The following TENM2 variants were observed in gnomAD, a reference collection of about 807,000 sequenced individuals.
TENM2 encodes the protein teneurin-2.
In TENM2, 52 loss-of-function variants were observed where a neutral mutation model predicts 245.2. The ratio of observed to expected loss-of-function variants is 0.21; its 90% confidence interval spans 0.17 to 0.27. The LOEUF is 0.27. TENM2 is among the 10% of genes least tolerant of loss of function. TENM2 has a pLI of 1.00. For missense variants in TENM2, 3,046 were observed against 3,666.8 expected, an observed-to-expected ratio of 0.83 and a Z score of 4.37; for synonymous variants, 1,363 against 1,438.9, an observed-to-expected ratio of 0.95 and a Z score of 1.19.
At chr5:167,184,436 G>A in the TENM2 span, among the ~76,000 whole-genome samples, 3 of 152,158 alleles carry the variant, frequency 2.0e-5, no homozygotes, top group South Asian at 6.2e-4. Flanking sequence ...CATAAACATT[G>A]TGATGGTAAA....
At chr5:167,753,929 G>C (rs184392824) in intron 2 of TENM2, among the ~76,000 whole-genome samples, 12 of 152,206 alleles carry the variant, frequency 7.9e-5, no homozygotes, top group African/African-American at 2.9e-4. Flanking sequence ...ATTATGCTCC[G>C]TCAGTCATTC....
chr5:168,032,208 A>C (rs1287940771), intron 5 of TENM2, among the ~76,000 whole-genome samples: 1 of 152,202 alleles, frequency 6.6e-6, no homozygotes, highest in African/African-American at 2.4e-5. Flanking sequence ...ATATTCTACC[A>C]TATTTAATCT....
At chr5:167,947,833 T>C (rs892957681) in intron 3 of TENM2, among the ~76,000 whole-genome samples, 5 of 152,090 alleles carry the variant, frequency 3.3e-5, no homozygotes, top group Admixed American at 3.3e-4. Flanking sequence ...CAGGAATGAG[T>C]GATTTATTAG....
At chr5:167,287,989 A>G (rs1456288627) in intron 1 of TENM2, among the ~76,000 whole-genome samples, 1 of 152,042 alleles carries the variant, frequency 6.6e-6, no homozygotes, top group African/African-American at 2.4e-5. Flanking sequence ...CCCTAATCCA[A>G]CCTGTGAAAT....
At chr5:167,116,940 G>A in the TENM2 span, among the ~76,000 whole-genome samples, 1 of 152,154 alleles carries the variant, frequency 6.6e-6, no homozygotes, top group Admixed American at 6.5e-5. Flanking sequence ...GATAACTATT[G>A]TAGTTTGCAT....
intron 2 of TENM2, among the ~76,000 whole-genome samples, chr5:167,643,566 C>T (rs950966658): frequency 6.6e-6 from 1 of 152,162 alleles, no homozygotes; most frequent in African/African-American, 2.4e-5. Context: ...AAGGGTAACA[C>T]ATTTCCAGTG....
At chr5:167,249,410 A>G in the TENM2 span, among the ~76,000 whole-genome samples, 4 of 151,892 alleles carry the variant, frequency 2.6e-5, no homozygotes, top group Non-Finnish European at 4.4e-5. Flanking sequence ...ACCTTTCACC[A>G]GTGCACATTT....
chr5:167,035,865 C>G, the TENM2 span, among the ~76,000 whole-genome samples: 1 of 152,178 alleles, frequency 6.6e-6, no homozygotes, highest in Non-Finnish European at 1.5e-5. Flanking sequence ...GCCTCAGTCT[C>G]CCCTGTAGCT....
intron 2 of TENM2, among the ~76,000 whole-genome samples, chr5:167,652,164 A>AGTCATGG (rs1203677662): frequency 6.6e-6 from 1 of 152,194 alleles, no homozygotes; most frequent in African/African-American, 2.4e-5. Flanking sequence ...AAGAGCGAGG[A>AGTCATGG]ATCATGGATT....
At chr5:168,167,066 T>TTTAATAGTGAGAGA (rs1490440619) in intron 13 of TENM2, among the ~76,000 whole-genome samples, 7 of 151,904 alleles carry the variant, frequency 4.6e-5, no homozygotes, top group Admixed American at 3.9e-4. Flanking sequence ...AGACTGTCTT[T>TTTAATAGTGAGAGA]TTAATAGTGA....
chr5:167,671,292 A>C (rs1389639487), intron 2 of TENM2, among the ~76,000 whole-genome samples: 3 of 152,188 alleles, frequency 2.0e-5, no homozygotes, highest in African/African-American at 7.2e-5. Context: ...GAGTCCCATC[A>C]GCCAAGGAGT....
chr5:167,830,916 T>C (rs1239635310), intron 2 of TENM2, among the ~76,000 whole-genome samples: 1 of 152,198 alleles, frequency 6.6e-6, no homozygotes, highest in African/African-American at 2.4e-5. Context: ...ACCACTGTTC[T>C]AGCTTCTCAG....
At chr5:167,159,619 T>C in the TENM2 span, among the ~76,000 whole-genome samples, 1 of 152,216 alleles carries the variant, frequency 6.6e-6, no homozygotes, top group Non-Finnish European at 1.5e-5. Flanking sequence ...AAAATTTTTA[T>C]TTTAAATTTA....
chr5:167,313,534 G>A (rs527886322), intron 1 of TENM2, among the ~76,000 whole-genome samples: 159 of 152,216 alleles, frequency 1.0e-3, no homozygotes, highest in African/African-American at 3.6e-3. Context: ...CTACTCAGGC[G>A]GCTGAGGCAG....
intron 2 of TENM2, among the ~76,000 whole-genome samples, chr5:167,451,688 A>G (rs1353939759): frequency 2.0e-5 from 3 of 150,692 alleles, no homozygotes; most frequent in East Asian, 2.0e-4. Context: ...TCGCTCTGTC[A>G]CCCAGGCTGG....
At chr5:168,039,420 G>A (rs189308031) in intron 5 of TENM2, among the ~76,000 whole-genome samples, 71 of 151,732 alleles carry the variant, frequency 4.7e-4, no homozygotes, top group African/African-American at 1.4e-3. Context: ...GATGTGTTTC[G>A]TTATCAGAAA....
intron 1 of TENM2, among the ~76,000 whole-genome samples, chr5:167,293,976 CTGTGTGTGTG>C (rs55869331): frequency 1.3e-5 from 2 of 148,646 alleles, no homozygotes; most frequent in African/African-American, 2.5e-5. Context: ...GATGTGAGTT[CTGTGTGTGTG>C]TGTGTGTGTG....
intron 2 of TENM2, among the ~76,000 whole-genome samples, chr5:167,486,419 C>A (rs1349870035): frequency 6.6e-6 from 1 of 151,354 alleles, no homozygotes; most frequent in Non-Finnish European, 1.5e-5. Context: ...AGCTCTGCCT[C>A]CCGGGTTCAC....
chr5:167,339,632 A>G (rs182535279), intron 1 of TENM2, among the ~76,000 whole-genome samples: 139 of 149,032 alleles, frequency 9.3e-4, no homozygotes, highest in African/African-American at 2.4e-3. Context: ...GCATTTTACT[A>G]TAAGTAGTCA....
Sources: gnomAD v4.1 joint callset for allele counts (sites outside exome capture counted in the v4.1 genomes callset) on GRCh38, gnomAD v4.1.1 for gene constraint, MANE v1.5 for transcripts, NCBI Gene and HGNC (gene_info 2026-07-23, HGNC 2026-07-21) for gene names.